The following SEC16A variants were observed in gnomAD, a reference collection of about 807,000 sequenced individuals.
SEC16A encodes the protein SEC16 homolog A, endoplasmic reticulum export factor.
A neutral mutation model predicts 221.9 loss-of-function variants in SEC16A; 110 were observed. The ratio of observed to expected loss-of-function variants is 0.50; its 90% CI spans 0.42 to 0.58. The LOEUF is 0.58. Among genes scored for constraint, SEC16A ranks in the 20% least tolerant of loss-of-function variants. The pLI is 0.00. For synonymous variants in SEC16A, 1,393 were observed against 1,257.7 expected (o/e 1.11, Z -2.28); for missense variants, 3,165 against 3,097.8 (o/e 1.02, Z -0.52).
At position 136,476,285 on chromosome 9, in the gene SEC16A, G is replaced by A. The variant is rs1484772553; in HGVS notation, c.1331C>T (p.Ala444Val). The change falls in exon 3 of 32, where the codon GCG becomes GTG. Residue 444 changes from alanine to valine, a missense_variant. This residue lies in a region of SEC16A where 2,030 missense variants were observed against 1,923.1 expected (regional missense o/e 1.06). Transcript: ENST00000684901. ...EAAGDVWGDT[A>V]STGVPDASGS... ...GCTGGCATCCGGCACCCCTGTGCTC[G>A]CTGTGTCACCCCACACATCACCAGC... The A allele has an allele frequency of 3.1e-6, 5 of 1,613,026 alleles. No individual in the cohort carries two copies. The highest frequency in any genetic ancestry group is 2.7e-5 in the African/African-American group (2 of 74,908).
chr9:136,474,431 A>G lies in SEC16A; in HGVS notation c.3185T>C (p.Val1062Ala), dbSNP rs7022785. 0.027 allele frequency: 44,276 copies of G among 1,613,038 alleles called. 1,043 individuals are homozygous for G. Among genetic ancestry groups the G allele is most frequent in the African/African-American group, 0.097 (7,291 of 75,030 alleles). ...GGGAGAAGCCTGTTGCTGGGGTGGC[A>G]CCAGCTCCTGCTGGGCTCTTTCGAG... ...PGLERAQQEL[V>A]PPQQQASPPQ... Residue 1062 changes from valine (V) to alanine (A), a missense_variant, in exon 3 of 32, where the codon GTG (valine) becomes GCG (alanine). Around this residue, in one of 3 missense-constraint regions of SEC16A, gnomAD observed 2,030 missense variants for 1,923.1 expected, o/e 1.06. Transcript: ENST00000684901.
rs1841382061 is a variant in SEC16A, at chr9:136,474,657, G to C, written c.2959C>G (p.Gln987Glu). Residue 987 changes from glutamine to glutamate, a missense_variant, in exon 3 of 32, where the codon CAG becomes GAG. This residue lies in a region of SEC16A where 2,030 missense variants were observed against 1,923.1 expected (regional missense o/e 1.06). Transcript: ENST00000684901. ...TCTAGGGCTCCGTAAGTGTCTTCCTGATGACTGGAATGGTTTGCCTTATTA... is the reference window on the plus strand; with the variant it reads ...TCTAGGGCTCCGTAAGTGTCTTCCTCATGACTGGAATGGTTTGCCTTATTA... The part of the protein sequence containing the change: ...DGNKANHSSH[Q>E]EDTYGALDFT... The C allele has an allele frequency of 6.2e-7, 1 of 1,613,652 alleles. No individual in the cohort carries two copies.
chr9:136,461,788 CA>C (rs1385236086), intron 12 of SEC16A, among the ~76,000 whole-genome samples: 4 of 152,296 alleles, frequency 2.6e-5, no homozygotes, highest in African/African-American at 9.6e-5. Context: ...TGACTTCAAT[CA>C]GTTATAAAAC....
chr9:136,466,838 A>T lies in SEC16A; in HGVS notation c.3929+119T>A. 8.0e-7 allele frequency: 1 copy of T among 1,252,338 alleles called. No homozygotes were observed. Among genetic ancestry groups the T allele is most frequent in the Non-Finnish European group, 1.1e-6 (1 of 921,738 alleles). The allele number at this position is 1,252,338 out of a possible 1,614,324, so 77.6% of individuals were successfully genotyped here. A position where few individuals can be genotyped will look rare whatever the true frequency, so the allele number is the denominator to read the frequency against. Reference sequence around the variant, plus strand: ...CCTTTCAGACAGGGACCAAAACATCAGGCAGATGCTCACCCAAACTACCAC... The same window carrying T: ...CCTTTCAGACAGGGACCAAAACATCTGGCAGATGCTCACCCAAACTACCAC... On this transcript the variant is annotated intron_variant, in intron 6 of 31. Transcript: ENST00000684901. This position sits in a 1 kb window ranked among gnomAD's most constrained non-coding sequence, Gnocchi z 5.5.
chr9:136,443,455 T>G (rs1311010344), intron 31 of SEC16A, among the ~76,000 whole-genome samples: 1 of 152,056 alleles, frequency 6.6e-6, no homozygotes, highest in Non-Finnish European at 1.5e-5. Context: ...GAAGCCGAGG[T>G]GGGAAGATCG....
chr9:136,461,956 AAGTT>A (rs1839540031), intron 12 of SEC16A, among the ~76,000 whole-genome samples: 1 of 151,640 alleles, frequency 6.6e-6, no homozygotes, highest in Non-Finnish European at 1.5e-5. Context: ...AAAAAAAAAA[AAGTT>A]AGCCAGGCGT....
At chr9:136,451,490 C>A (rs1237169051) in intron 22 of SEC16A, 82 bp from the exon 23 acceptor site, 2 of 1,458,000 alleles carry the variant, frequency 1.4e-6, no homozygotes, top group Non-Finnish European at 1.8e-6. Flanking sequence ...ATTCCCCAGG[C>A]GTGTTTCCTA....
rs765065720 is a variant in SEC16A, at chr9:136,476,360, C to T, written c.1256G>A (p.Gly419Glu). 5 of 1,612,832 alleles carry T rather than the reference C, an allele frequency of 3.1e-6. No homozygotes were observed. The Admixed American group carries it at 6.7e-5, about 21-fold the overall frequency. Residue 419 changes from glycine to glutamate, a missense_variant, in exon 3 of 32, where the codon GGG becomes GAG. Transcript: ENST00000684901. Reference protein sequence around the residue: ...LGRPPAPTHVGAGSLCQALLP... With the variant: ...LGRPPAPTHVEAGSLCQALLP... The stretch of plus-strand genomic sequence containing the variant: ...AAGGGCCTGGCAGAGGCTGCCTGCC[C>T]CCACGTGTGTAGGTGCGGGCGGACG...
chr9:136,468,136 T>A (rs886100092), intron 5 of SEC16A, among the ~76,000 whole-genome samples: 5 of 152,272 alleles, frequency 3.3e-5, no homozygotes, highest in African/African-American at 1.2e-4. Flanking sequence ...CTGCTAGTTA[T>A]GTTCCACTAG....
intron 5 of SEC16A, 60 bp downstream of exon 5, chr9:136,468,355 A>G: frequency 1.9e-6 from 2 of 1,039,408 alleles, no homozygotes; most frequent in East Asian, 2.4e-5. Flanking sequence ...GCTGCATGTC[A>G]TCAGTGTCTT....
Position 136,458,260 on chromosome 9 carries a change from T to C in SEC16A, c.5410-676A>G, listed in dbSNP as rs564632089. On this transcript the variant is annotated intron_variant, in intron 17 of 31. Coordinates refer to ENST00000684901, the MANE Select transcript of SEC16A (RefSeq NM_014866.2). Reference sequence around the variant, plus strand: ...CTGGGATTACAGGCATGAGCCGCCATGCTCAGCCTCTCATGTATGTTTTAT... The same window carrying C: ...CTGGGATTACAGGCATGAGCCGCCACGCTCAGCCTCTCATGTATGTTTTAT... Among the ~76,000 whole-genome samples, 135 of 151,576 alleles carry C rather than the reference T, an allele frequency of 8.9e-4. 1 individual carries two copies. The highest frequency in any genetic ancestry group is 3.1e-3 in the African/African-American group (127 of 41,306).
chr9:136,474,289 A>T lies in SEC16A; in HGVS notation c.3327T>A (p.Gly1109=). Residue 1109 remains glycine (G), a synonymous_variant, in exon 3 of 32, where the codon GGT becomes GGA. Coordinates refer to ENST00000684901, the MANE Select transcript of SEC16A (RefSeq NM_014866.2). The part of the protein sequence containing the change: ...SPASLVLVDA[G]QQLPPRPPQS... ...GAGGAGGCCGAGGGGGCAGCTGCTG[A>T]CCCGCGTCGACCAGAACCAGACTTG... The T allele has an allele frequency of 6.2e-7, 1 of 1,607,794 alleles. No homozygotes were observed. The highest frequency in any genetic ancestry group is 8.5e-7 in the Non-Finnish European group (1 of 1,177,464).
chr9:136,464,662 AT>A, intron 8 of SEC16A, 100 bp from the exon 9 acceptor site: 2 of 1,081,856 alleles, frequency 1.8e-6, no homozygotes, highest in Non-Finnish European at 2.7e-6. Context: ...CACAGGTTAG[AT>A]TTATCACGAC....
Position 136,477,253 on chromosome 9 carries a change from G to A in SEC16A, c.363C>T (p.Ala121=). The A allele has an allele frequency of 6.2e-7, 1 of 1,613,932 alleles. No homozygotes were observed. Among genetic ancestry groups the A allele is most frequent in the African/African-American group, 1.3e-5 (1 of 75,016 alleles). ...GTGTCAATGCACCAGAAAACGGACT[G>A]GCATGTGCTCTGGGCTGTGTCAGAG... ...PGPLTQPRAH[A]SPFSGALTPS... The change falls in exon 3 of 32, where the codon GCC becomes GCT. Residue 121 remains alanine (A), a synonymous_variant. Coordinates refer to ENST00000684901, the MANE Select transcript of SEC16A (RefSeq NM_014866.2).
Position 136,477,576 on chromosome 9 carries a change from C to T in SEC16A, c.40G>A (p.Gly14Arg), listed in dbSNP as rs768786817. The stretch of plus-strand genomic sequence containing the variant: ...CGAGGATTCCCGGCTGGAGGTGGCC[C>T]AGCCATGCCAGACGGGACCGTCTGG... Reference protein sequence around the residue: ...PPQTVPSGMAGPPPAGNPRSV... With the variant: ...PPQTVPSGMARPPPAGNPRSV... The change falls in exon 3 of 32, where the codon GGG (glycine) becomes AGG (arginine). Residue 14 changes from glycine to arginine, a missense_variant. Physicochemically the swap from Gly to Arg is moderately radical, Grantham distance 125. This residue lies in a region of SEC16A where 2,030 missense variants were observed against 1,923.1 expected (regional missense o/e 1.06). Coordinates refer to ENST00000684901, the MANE Select transcript of SEC16A (RefSeq NM_014866.2). 3 of 1,612,524 alleles carry T rather than the reference C, an allele frequency of 1.9e-6. No homozygotes were observed. Among genetic ancestry groups the T allele is most frequent in the Non-Finnish European group, 2.5e-6 (3 of 1,179,610 alleles).
intron 17 of SEC16A, 29 bp from the exon 18 acceptor site, chr9:136,457,613 C>T (rs760781140): frequency 5.1e-5 from 82 of 1,594,506 alleles, no homozygotes; most frequent in Non-Finnish European, 6.1e-5. Flanking sequence ...TGCTGCCCTG[C>T]GGCTCCCCCG....
Position 136,461,142 on chromosome 9 carries a change from G to T in SEC16A, c.4991+35C>A. 3.3e-6 allele frequency: 5 copies of T among 1,534,032 alleles called. No individual in the cohort carries two copies. In the South Asian group the frequency reaches 4.7e-5, roughly 14 times the overall value. ...CCGCGTGCTACAGGGAGCCAGCAGGGCTCGCCACTGGACCAGGCCACTGTG... is the reference window on the plus strand; with the variant it reads ...CCGCGTGCTACAGGGAGCCAGCAGGTCTCGCCACTGGACCAGGCCACTGTG... On this transcript the variant is annotated intron_variant, in intron 13 of 31. Transcript: ENST00000684901.
rs186758053 is a variant in SEC16A, at chr9:136,461,985, G to A, written c.4894-711C>T. ...TAGCCAGGCGTGGTGGCATGCAGCT[G>A]TAGTCCCAGCTACTCAGGAGGCTGA... On this transcript the variant is annotated intron_variant, in intron 12 of 31. Coordinates refer to ENST00000684901, the MANE Select transcript of SEC16A (RefSeq NM_014866.2). Among the ~76,000 whole-genome samples, 54 of 151,876 alleles carry A rather than the reference G, an allele frequency of 3.6e-4. No homozygotes were observed. In the East Asian group the frequency reaches 9.5e-3, roughly 27 times the overall value.
intron 22 of SEC16A, among the ~76,000 whole-genome samples, chr9:136,452,101 C>T (rs1837892230): frequency 6.6e-6 from 1 of 152,092 alleles, no homozygotes; most frequent in Non-Finnish European, 1.5e-5. Context: ...TACTGAATTC[C>T]AGGACATCCT....
Sources: allele counts gnomAD v4.1 joint callset (sites outside exome capture counted in the v4.1 genomes callset), GRCh38; gene constraint gnomAD v4.1.1; regional missense constraint gnomAD v4.1.1; non-coding constraint Gnocchi (gnomAD v3.1); transcripts MANE v1.5; gene names NCBI Gene and HGNC (gene_info 2026-07-23, HGNC 2026-07-21).